MDGA2: variants seen among roughly 807,000 people sequenced by gnomAD.
The protein encoded by MDGA2 is MAM domain containing glycosylphosphatidylinositol anchor 2, also known as MAM domain-containing glycosylphosphatidylinositol anchor protein 2.
In MDGA2, 40 loss-of-function variants were observed where a neutral mutation model predicts 117.8. The ratio of observed to expected loss-of-function variants is 0.34; its 90% confidence interval spans 0.26 to 0.44. MDGA2 has a LOEUF of 0.44. Among genes scored for constraint, MDGA2 ranks in the 20% least tolerant of loss-of-function variants. The pLI is 1.00. For missense variants in MDGA2, 1,123 were observed against 1,250.6 expected, an observed-to-expected ratio of 0.90 and a Z score of 1.54; for synonymous variants, 452 against 439.0, an observed-to-expected ratio of 1.03 and a Z score of -0.37.
chr14:46,996,914 G>T, intron 8 of MDGA2: 1 of 369,888 alleles, frequency 2.7e-6, no homozygotes, highest in Admixed American at 3.3e-5. Flanking sequence ...CAGCAAGGGA[G>T]AGCACCTAGC....
chr14:47,089,751 C>G (rs1237748505), intron 6 of MDGA2, among the ~76,000 whole-genome samples: 5 of 151,806 alleles, frequency 3.3e-5, no homozygotes, highest in Non-Finnish European at 5.9e-5. Context: ...ATGGAGGAAG[C>G]AGGATGGTCT....
At chr14:47,618,232 A>G (rs1320609490) in intron 1 of MDGA2, among the ~76,000 whole-genome samples, 1 of 152,222 alleles carries the variant, frequency 6.6e-6, no homozygotes, top group South Asian at 2.1e-4. Context: ...TCAGTCTTAA[A>G]TATCATTCCG....
chr14:46,874,211 A>G lies in MDGA2; in HGVS notation c.2438-11T>C. 2.2e-6 allele frequency: 3 copies of G among 1,340,170 alleles called. No homozygotes were observed. The highest frequency in any genetic ancestry group is 3.0e-6 in the Non-Finnish European group (3 of 1,016,394). The allele number at this position is 1,340,170 out of a possible 1,614,324, so 83.0% of individuals were successfully genotyped here. On this transcript the variant is annotated splice_polypyrimidine_tract_variant and intron_variant, in intron 12 of 16. Coordinates refer to ENST00000399232, the MANE Select transcript of MDGA2 (RefSeq NM_001113498.3). ...CACAATGAAATTCTCCTGTTGGTAA[A>G]TTTTAATTAAATTAATATTAATTAA...
chr14:47,669,366 G>A (rs1898034344), intron 1 of MDGA2, among the ~76,000 whole-genome samples: 1 of 152,128 alleles, frequency 6.6e-6, no homozygotes, highest in Admixed American at 6.6e-5. Context: ...TTTTATCTCT[G>A]ACTGTTAATT....
At chr14:46,899,849 A>C (rs1176855068) in intron 10 of MDGA2, among the ~76,000 whole-genome samples, 1 of 152,126 alleles carries the variant, frequency 6.6e-6, no homozygotes, top group Non-Finnish European at 1.5e-5. Flanking sequence ...GTTTTGAACC[A>C]GATTATGTCA....
chr14:47,370,889 T>C (rs978295402), intron 1 of MDGA2, among the ~76,000 whole-genome samples: 2 of 151,832 alleles, frequency 1.3e-5, no homozygotes, highest in Admixed American at 6.6e-5. Flanking sequence ...TCTTATATTT[T>C]TCTGATTAAT....
chr14:47,222,991 T>C (rs1014923650), intron 2 of MDGA2, among the ~76,000 whole-genome samples: 1 of 152,194 alleles, frequency 6.6e-6, no homozygotes, highest in Admixed American at 6.5e-5. Flanking sequence ...GGACTTACTG[T>C]TCCAAATGGC....
chr14:47,457,595 A>G (rs919083262), intron 1 of MDGA2, among the ~76,000 whole-genome samples: 1 of 152,180 alleles, frequency 6.6e-6, no homozygotes, highest in Non-Finnish European at 1.5e-5. Flanking sequence ...GTGTTCCTCA[A>G]TATGACTTGT....
intron 1 of MDGA2, among the ~76,000 whole-genome samples, chr14:47,342,276 A>AAAAAATATGT (rs1890650168): frequency 2.4e-5 from 3 of 126,428 alleles, no homozygotes; most frequent in Non-Finnish European, 5.2e-5. Flanking sequence ...ATATATATAT[A>AAAAAATATGT]TATATAAAAT....
At chr14:46,872,595 C>T (rs1398249784) in intron 14 of MDGA2, among the ~76,000 whole-genome samples, 3 of 151,868 alleles carry the variant, frequency 2.0e-5, no homozygotes, top group Non-Finnish European at 4.4e-5. Flanking sequence ...CGAGTAGAAT[C>T]ATATTATTAA....
intron 1 of MDGA2, among the ~76,000 whole-genome samples, chr14:47,564,825 T>C (rs1895885794): frequency 6.6e-6 from 1 of 152,206 alleles, no homozygotes; most frequent in East Asian, 1.9e-4. Flanking sequence ...TTATTCTTTA[T>C]TTTTTGTCTC....
intron 7 of MDGA2, among the ~76,000 whole-genome samples, chr14:47,054,290 T>C (rs1889583564): frequency 6.6e-6 from 1 of 152,006 alleles, no homozygotes; most frequent in Non-Finnish European, 1.5e-5. Context: ...AACTGACTTC[T>C]CAGATGTTGT....
intron 1 of MDGA2, among the ~76,000 whole-genome samples, chr14:47,570,258 T>C (rs1400364254): frequency 1.3e-5 from 2 of 152,158 alleles, no homozygotes; most frequent in African/African-American, 4.8e-5. Context: ...ATCCTCAATA[T>C]ATTATATTCT....
intron 2 of MDGA2, among the ~76,000 whole-genome samples, chr14:47,231,679 TGG>T (rs1886695591): frequency 6.6e-6 from 1 of 150,932 alleles, no homozygotes; most frequent in Admixed American, 6.6e-5. Context: ...TAACACTACC[TGG>T]GTTTCTTGGA....
At chr14:47,573,798 T>C (rs773487871) in intron 1 of MDGA2, among the ~76,000 whole-genome samples, 4 of 152,202 alleles carry the variant, frequency 2.6e-5, no homozygotes, top group Admixed American at 6.5e-5. Flanking sequence ...AGGAGTGTTT[T>C]ACAACTCATG....
At chr14:47,417,092 T>C (rs956087808) in intron 1 of MDGA2, among the ~76,000 whole-genome samples, 3 of 152,228 alleles carry the variant, frequency 2.0e-5, no homozygotes, top group East Asian at 1.9e-4. Context: ...TCTGTTGAGA[T>C]GGCACATTCG....
intron 1 of MDGA2, among the ~76,000 whole-genome samples, chr14:47,662,843 G>A (rs1012755379): frequency 6.6e-6 from 1 of 152,138 alleles, no homozygotes; most frequent in African/African-American, 2.4e-5. Flanking sequence ...GTAGGGAATG[G>A]TCATAATGGA....
At chr14:47,634,636 G>A (rs909894852) in intron 1 of MDGA2, among the ~76,000 whole-genome samples, 1 of 151,958 alleles carries the variant, frequency 6.6e-6, no homozygotes, top group South Asian at 2.1e-4. Flanking sequence ...TAAATAAAAT[G>A]ATCAACTTTC....
chr14:46,904,330 C>T (rs927633634), intron 10 of MDGA2, among the ~76,000 whole-genome samples: 2 of 149,504 alleles, frequency 1.3e-5, no homozygotes, highest in African/African-American at 5.0e-5. Context: ...CGAGATCATA[C>T]CTGTGAGAGA....
Sources: allele counts gnomAD v4.1 joint callset (sites outside exome capture counted in the v4.1 genomes callset), GRCh38; gene constraint gnomAD v4.1.1; transcripts MANE v1.5; gene names NCBI Gene and HGNC (gene_info 2026-07-23, HGNC 2026-07-21).